Variants in NAALAD2 observed in about 807,000 individuals in gnomAD.
NAALAD2 encodes the protein N-acetylated alpha-linked acidic dipeptidase 2.
A neutral mutation model predicts 95.6 loss-of-function variants in NAALAD2; 89 were observed. That is an observed-to-expected ratio of 0.93 (90% CI 0.78 to 1.11). The LOEUF (loss-of-function observed/expected upper bound fraction) is 1.11, where lower values mean the gene tolerates loss of function less well. Among genes scored for constraint, NAALAD2 ranks in the 50% least tolerant of loss-of-function variants. The pLI is 0.00. For missense variants in NAALAD2, 894 were observed against 872.4 expected (o/e 1.02, Z -0.31); for synonymous variants, 264 against 294.4 (o/e 0.90, Z 1.06).
Position 90,152,428 on chromosome 11 carries a change from A to G in NAALAD2, c.740A>G (p.Asn247Ser). ...NLPGTAAQRG[N>S]VLNLNGAGDP... Reference sequence around the variant, plus strand: ...CCTGGAACTGCAGCCCAGAGAGGAAATGTGTTAAATTTGAATGGTGCTGGT... The same window carrying G: ...CCTGGAACTGCAGCCCAGAGAGGAAGTGTGTTAAATTTGAATGGTGCTGGT... The change falls in exon 6 of 19, where the codon AAT (asparagine) becomes AGT (serine). Residue 247 changes from asparagine (N) to serine (S), a missense_variant. Transcript: ENST00000534061. 6.2e-7 allele frequency: 1 copy of G among 1,613,884 alleles called. No individual in the cohort carries two copies. The highest frequency in any genetic ancestry group is 8.5e-7 in the Non-Finnish European group (1 of 1,179,860).
At chr11:90,142,981 T>A (rs1235940232) in intron 2 of NAALAD2, among the ~76,000 whole-genome samples, 1 of 152,066 alleles carries the variant, frequency 6.6e-6, no homozygotes, top group Non-Finnish European at 1.5e-5. Flanking sequence ...AACTCACATT[T>A]CTTTATGTCC....
At position 90,176,052 on chromosome 11, in the gene NAALAD2, CTAAG is replaced by C; in HGVS notation, c.1584_1587del (p.Lys529IlefsTer23). The C allele has an allele frequency of 6.2e-7, 1 of 1,612,644 alleles. No individual in the cohort carries two copies. The highest frequency in any genetic ancestry group is 2.2e-5 in the East Asian group (1 of 44,840). On this transcript the variant is annotated frameshift_variant, in exon 15 of 19. Transcript: ENST00000534061. LOFTEE classifies it high-confidence loss of function. ...ATTGCTTCAGGCAGAGCCCGTTACA[CTAAG>C]AATAAGGTAAGCCATTTTATCATTT...
chr11:90,151,240 A>G (rs928749790), intron 5 of NAALAD2, among the ~76,000 whole-genome samples: 3 of 152,148 alleles, frequency 2.0e-5, no homozygotes, highest in South Asian at 2.1e-4. Context: ...GCGAATGACG[A>G]GGGCACCAAT....
intron 6 of NAALAD2, among the ~76,000 whole-genome samples, chr11:90,154,460 C>A (rs1386458091): frequency 6.6e-6 from 1 of 151,572 alleles, no homozygotes; most frequent in Non-Finnish European, 1.5e-5. Context: ...TTAATCCAAC[C>A]CTGTCATCCT....
chr11:90,167,351 A>G (rs530175679), intron 11 of NAALAD2, among the ~76,000 whole-genome samples: 99 of 152,268 alleles, frequency 6.5e-4, no homozygotes, highest in African/African-American at 2.2e-3. Context: ...GTTGTGCTCG[A>G]TTTCTCGCTG....
chr11:90,133,422 T>C (rs150490614), upstream of NAALAD2, among the ~76,000 whole-genome samples: 1 of 152,024 alleles, frequency 6.6e-6, no homozygotes, highest in Admixed American at 6.6e-5. Context: ...ATTGCTAATG[T>C]AGGGGTCAAT....
chr11:90,178,170 T>A, intron 16 of NAALAD2, 53 bp downstream of exon 16: 1 of 1,503,384 alleles, frequency 6.7e-7, no homozygotes, highest in Non-Finnish European at 9.0e-7. Flanking sequence ...AGCTTTAAGA[T>A]ATTATCTCCT....
rs199831703 is a variant in NAALAD2 at position 90,170,159 on chromosome 11, A to T, written c.1410+23A>T. The T allele has an allele frequency of 3.8e-4, 527 of 1,399,450 alleles. No individual in the cohort carries two copies. In the Middle Eastern group the frequency reaches 9.5e-3, roughly 25 times the overall value. 86.7% of individuals were successfully genotyped at this position (1,399,450 alleles called of 1,614,324 possible). A position where few individuals can be genotyped will look rare whatever the true frequency, so the allele number is the denominator to read the frequency against. ...GAGGTATATAAGGAAATGTGTCTTC[A>T]TATGTTCTCTTTTGAATGGATAAAT... On this transcript the variant is annotated intron_variant, in intron 13 of 18. Transcript: ENST00000534061.
intron 13 of NAALAD2, among the ~76,000 whole-genome samples, chr11:90,171,070 C>A (rs11018894): frequency 0.14 from 20,984 of 152,024 alleles, 2,118 homozygotes; most frequent in Admixed American, 0.31. Context: ...TGCTAATCTC[C>A]CAGTAATTTA....
intron 17 of NAALAD2, among the ~76,000 whole-genome samples, chr11:90,182,577 T>G (rs527298500): frequency 6.6e-6 from 1 of 152,152 alleles, no homozygotes; most frequent in Non-Finnish European, 1.5e-5. Context: ...GAATGACTTA[T>G]CAGGAATAAC....
chr11:90,156,700 C>T (rs954567075), intron 6 of NAALAD2, among the ~76,000 whole-genome samples: 3 of 152,110 alleles, frequency 2.0e-5, no homozygotes, highest in Non-Finnish European at 4.4e-5. Flanking sequence ...ATTCTCCTGC[C>T]CCAGCCTCCC....
chr11:90,166,836 A>AT (rs1436561363), intron 11 of NAALAD2, among the ~76,000 whole-genome samples: 1 of 110,746 alleles, frequency 9.0e-6, no homozygotes, highest in Non-Finnish European at 1.8e-5. Context: ...TTCTGTCTCC[A>AT]AAAAAAAAAA....
chr11:90,181,433 ATT>A (rs1240280443), intron 16 of NAALAD2, among the ~76,000 whole-genome samples, 185 bp from the exon 17 acceptor site: 1 of 151,994 alleles, frequency 6.6e-6, no homozygotes, highest in Non-Finnish European at 1.5e-5. Context: ...CAATGTTACC[ATT>A]TTTTGTTTTC....
intron 16 of NAALAD2, among the ~76,000 whole-genome samples, chr11:90,181,029 G>T (rs1443441445): frequency 1.3e-5 from 2 of 152,066 alleles, no homozygotes; most frequent in Non-Finnish European, 2.9e-5. Context: ...ATGGTTATCT[G>T]CAGGGGATTC....
At chr11:90,155,651 A>C (rs1364655923) in intron 6 of NAALAD2, among the ~76,000 whole-genome samples, 3 of 79,654 alleles carry the variant, frequency 3.8e-5, no homozygotes, top group African/African-American at 1.3e-4. Flanking sequence ...TAATTATTAC[A>C]TATGTATGTA....
chr11:90,154,030 C>CCT (rs57531442), intron 6 of NAALAD2, among the ~76,000 whole-genome samples: 12 of 149,316 alleles, frequency 8.0e-5, no homozygotes, highest in African/African-American at 2.0e-4. Flanking sequence ...GCCCTTCCTT[C>CCT]CTCTCTCTCT....
chr11:90,142,744 C>G (rs2134837745), intron 2 of NAALAD2, among the ~76,000 whole-genome samples: 1 of 152,066 alleles, frequency 6.6e-6, no homozygotes, highest in East Asian at 1.9e-4. Context: ...AAACTTAAGT[C>G]TGCCACTTTT....
At chr11:90,165,789 T>C (rs1952425188) in intron 11 of NAALAD2, among the ~76,000 whole-genome samples, 1 of 152,192 alleles carries the variant, frequency 6.6e-6, no homozygotes, top group African/African-American at 2.4e-5. Flanking sequence ...AAACATGCGA[T>C]TTAGAAACAT....
chr11:90,132,041 A>G (rs1281174319), upstream of NAALAD2: 6 of 152,518 alleles, frequency 3.9e-5, no homozygotes, highest in African/African-American at 1.4e-4. Context: ...TTACTTTTTG[A>G]TAGCAGCCTT....
Sources: allele counts gnomAD v4.1 joint callset (sites outside exome capture counted in the v4.1 genomes callset), GRCh38; gene constraint gnomAD v4.1.1; transcripts MANE v1.5; gene names NCBI Gene and HGNC (gene_info 2026-07-23, HGNC 2026-07-21).